KCNIP4: variants seen among roughly 807,000 people sequenced by gnomAD.
The protein encoded by KCNIP4 is Kv channel-interacting protein 4.
A neutral mutation model predicts 34.0 loss-of-function variants in KCNIP4; 12 were observed. The ratio of observed to expected loss-of-function variants is 0.35; its 90% CI spans 0.23 to 0.57. The LOEUF (loss-of-function observed/expected upper bound fraction) is 0.57, where lower values mean the gene tolerates loss of function less well. KCNIP4 is among the 20% of genes least tolerant of loss of function. KCNIP4 has a pLI of 0.83. For missense variants in KCNIP4, 238 were observed against 311.7 expected (o/e 0.76, Z 1.78); for synonymous variants, 124 against 102.2 (o/e 1.21, Z -1.29).
chr4:21,206,576 T>G (rs1756868363), intron 1 of KCNIP4, among the ~76,000 whole-genome samples: 1 of 152,188 alleles, frequency 6.6e-6, no homozygotes, highest in Non-Finnish European at 1.5e-5. Context: ...AGACTGAGAA[T>G]CAGGCCTAGA....
chr4:21,728,574 C>T (rs1417722394), intron 1 of KCNIP4, among the ~76,000 whole-genome samples: 2 of 152,184 alleles, frequency 1.3e-5, no homozygotes, highest in African/African-American at 4.8e-5. Context: ...CACACCTCTG[C>T]TCAAGTCTCT....
intron 1 of KCNIP4, among the ~76,000 whole-genome samples, chr4:20,884,625 A>T (rs1725080095): frequency 6.6e-6 from 1 of 151,616 alleles, no homozygotes; most frequent in African/African-American, 2.4e-5. Context: ...TGCCATTTCA[A>T]ACCTCCGTGC....
intron 1 of KCNIP4, among the ~76,000 whole-genome samples, chr4:21,905,905 G>A (rs185668889): frequency 8.5e-5 from 13 of 152,170 alleles, no homozygotes; most frequent in Middle Eastern, 3.4e-3. Flanking sequence ...CATTAGTAGT[G>A]AGCCATCAGT....
chr4:21,775,009 C>T (rs188681454), intron 1 of KCNIP4, among the ~76,000 whole-genome samples: 55 of 152,258 alleles, frequency 3.6e-4, no homozygotes, highest in African/African-American at 1.3e-3. Flanking sequence ...TTGTGATCAT[C>T]TGGAGGAGAG....
intron 1 of KCNIP4, among the ~76,000 whole-genome samples, chr4:21,304,790 G>A (rs1429538378): frequency 1.3e-5 from 2 of 152,070 alleles, no homozygotes; most frequent in African/African-American, 4.8e-5. Context: ...TTTGAAGCAT[G>A]GGAATAATAA....
chr4:21,873,809 A>G (rs1452594683), intron 1 of KCNIP4, among the ~76,000 whole-genome samples: 4 of 152,232 alleles, frequency 2.6e-5, no homozygotes, highest in Admixed American at 6.5e-5. Context: ...GGAGTAATCA[A>G]TGCTGTCTGG....
intron 1 of KCNIP4, among the ~76,000 whole-genome samples, chr4:21,114,194 G>A (rs1353774190): frequency 6.6e-6 from 1 of 152,086 alleles, no homozygotes; most frequent in African/African-American, 2.4e-5. Flanking sequence ...GTCTCTCCCT[G>A]CAGAGATTCT....
chr4:20,803,827 C>G lies in KCNIP4; in HGVS notation c.289-44937G>C, dbSNP rs937829138. Among the ~76,000 whole-genome samples the G allele has an allele frequency of 4.0e-5, 6 of 151,552 alleles. No homozygotes were observed. In the East Asian group the frequency reaches 9.7e-4, roughly 25 times the overall value. On this transcript the variant is annotated intron_variant, in intron 3 of 8. Transcript: ENST00000382152. The stretch of plus-strand genomic sequence containing the variant: ...AGAATCGAGAATATATTTTTGAAAA[C>G]AACAAATTCAATATGGAGGCCATTT...
chr4:20,834,031 A>G (rs969283389), intron 3 of KCNIP4, among the ~76,000 whole-genome samples: 1 of 152,228 alleles, frequency 6.6e-6, no homozygotes, highest in Non-Finnish European at 1.5e-5. Context: ...AATACATAGC[A>G]GGTAGCTCAA....
chr4:21,690,168 T>A (rs1577852159), intron 1 of KCNIP4, among the ~76,000 whole-genome samples: 1 of 149,208 alleles, frequency 6.7e-6, no homozygotes, highest in Non-Finnish European at 1.5e-5. Flanking sequence ...CATACGTAAA[T>A]ATACACATCA....
At chr4:21,144,128 A>G (rs544899594) in intron 1 of KCNIP4, among the ~76,000 whole-genome samples, 1 of 152,256 alleles carries the variant, frequency 6.6e-6, no homozygotes, top group Admixed American at 6.5e-5. Flanking sequence ...ACACACATGA[A>G]TTTTATCCTT....
intron 1 of KCNIP4, among the ~76,000 whole-genome samples, chr4:21,294,233 C>T (rs186867649): frequency 2.8e-4 from 42 of 152,240 alleles, no homozygotes; most frequent in Admixed American, 9.2e-4. Flanking sequence ...GACTCCCCTA[C>T]TATATTCATT....
intron 1 of KCNIP4, among the ~76,000 whole-genome samples, chr4:21,649,598 C>T (rs1368728698): frequency 1.3e-5 from 2 of 152,126 alleles, no homozygotes; most frequent in African/African-American, 4.8e-5. Flanking sequence ...CTTAAAAAGT[C>T]CCCTGTAGGG....
intron 1 of KCNIP4, among the ~76,000 whole-genome samples, chr4:21,530,648 A>G (rs543283058): frequency 6.6e-6 from 1 of 152,196 alleles, no homozygotes; most frequent in South Asian, 2.1e-4. Flanking sequence ...CATAGGACTC[A>G]TTGTTTAAGC....
intron 1 of KCNIP4, among the ~76,000 whole-genome samples, chr4:21,570,943 G>T (rs539786664): frequency 2.0e-5 from 3 of 152,036 alleles, no homozygotes; most frequent in Non-Finnish European, 4.4e-5. Context: ...ATATTGGTTC[G>T]ACGTGGTTGA....
At chr4:21,233,614 G>T (rs918377689) in intron 1 of KCNIP4, among the ~76,000 whole-genome samples, 1 of 151,606 alleles carries the variant, frequency 6.6e-6, no homozygotes, top group Non-Finnish European at 1.5e-5. Flanking sequence ...GATAAGGCTT[G>T]AAGCAGAAAG....
intron 1 of KCNIP4, chr4:21,851,659 C>T (rs542362535): frequency 6.6e-6 from 1 of 152,132 alleles, no homozygotes; most frequent in South Asian, 2.1e-4. Flanking sequence ...CTTAAGACAG[C>T]CCCCACTTTG....
intron 1 of KCNIP4, among the ~76,000 whole-genome samples, chr4:21,635,892 A>G (rs1443273904): frequency 6.6e-6 from 1 of 151,790 alleles, no homozygotes; most frequent in Admixed American, 6.6e-5. Flanking sequence ...ACCAACCCAA[A>G]TGTCCAACAA....
chr4:21,106,205 G>T (rs919682676), intron 1 of KCNIP4, among the ~76,000 whole-genome samples: 2 of 144,898 alleles, frequency 1.4e-5, no homozygotes, highest in African/African-American at 2.7e-5. Flanking sequence ...GGTAGAATTC[G>T]GCTGTGAATC....
Sources: gnomAD v4.1 joint callset for allele counts (sites outside exome capture counted in the v4.1 genomes callset) on GRCh38, gnomAD v4.1.1 for gene constraint, MANE v1.5 for transcripts, NCBI Gene and HGNC (gene_info 2026-07-23, HGNC 2026-07-21) for gene names.